Variants in GNB5 observed in about 807,000 individuals in gnomAD.
GNB5 encodes guanine nucleotide-binding protein subunit beta-5.
In GNB5, 37 loss-of-function variants were observed where a neutral mutation model predicts 55.3. That is an observed-to-expected ratio of 0.67 (90% CI 0.51 to 0.88). The LOEUF is 0.88. GNB5 is among the 40% of genes least tolerant of loss of function. GNB5 has a pLI of 0.00. For missense variants in GNB5, 476 were observed against 515.3 expected (o/e 0.92, Z 0.74); for synonymous variants, 219 against 198.5 (o/e 1.10, Z -0.87).
At chr15:52,168,036 C>T (rs1215078020) in intron 3 of GNB5, among the ~76,000 whole-genome samples, 1 of 152,164 alleles carries the variant, frequency 6.6e-6, no homozygotes, top group Non-Finnish European at 1.5e-5. Flanking sequence ...GACAAACCTA[C>T]ACCGAATATC....
intron 1 of GNB5, among the ~76,000 whole-genome samples, chr15:52,190,223 T>G (rs1359410436): frequency 6.6e-6 from 1 of 151,774 alleles, no homozygotes; most frequent in African/African-American, 2.4e-5. Context: ...GTTCATGCCA[T>G]TCTCCTGCCT....
rs2033265048 is a variant in GNB5, at chr15:52,121,479, TGA to T, written c.*1276_*1277del. 6.6e-6 allele frequency: 1 copy of T among 151,492 alleles called. No homozygotes were observed. The highest frequency in any genetic ancestry group is 2.1e-4 in the South Asian group (1 of 4,796). The allele number at this position is 151,492 out of a possible 1,614,324, so 9.4% of individuals were successfully genotyped here. The stretch of plus-strand genomic sequence containing the variant: ...CACTTCCTTCTTCTAGAAGGAATTC[TGA>T]GTCTCAAATAAAGAGAAGATCTTCT... On this transcript the variant is annotated 3_prime_UTR_variant, in exon 13 of 13. Transcript: ENST00000261837.
intron 3 of GNB5, among the ~76,000 whole-genome samples, chr15:52,161,006 C>T (rs1456866773): frequency 1.3e-5 from 2 of 152,132 alleles, no homozygotes; most frequent in Non-Finnish European, 2.9e-5. Flanking sequence ...ATGTATGTTA[C>T]CAATATCCAC....
At chr15:52,137,510 A>C in intron 7 of GNB5, 1 of 1,016,364 alleles carries the variant, frequency 9.8e-7, no homozygotes, top group Non-Finnish European at 1.2e-6. Context: ...GAGAATGAGA[A>C]AAGCAAACGT....
chr15:52,167,973 G>A lies in GNB5; in HGVS notation c.238+11795C>T, dbSNP rs192122095. On this transcript the variant is annotated intron_variant, in intron 3 of 12. Transcript: ENST00000261837. ...CAACATCCCTTCATGTTAAAAACTC[G>A]CAATAAACAAGGTATTGAAGGAACA... 2.6e-3 allele frequency among the ~76,000 whole-genome samples: 390 copies of A among 152,144 alleles called. 1 individual carries two copies. The highest frequency in any genetic ancestry group is 0.02 in the Middle Eastern group (6 of 294).
rs566641285 is a variant in GNB5 at position 52,132,613 on chromosome 15, C to G, written c.863+765G>C. Among the ~76,000 whole-genome samples the G allele has an allele frequency of 1.6e-4, 24 of 150,390 alleles. 1 individual carries two copies. In the South Asian group the frequency reaches 5.1e-3, roughly 32 times the overall value. On this transcript the variant is annotated intron_variant, in intron 9 of 12. Coordinates refer to ENST00000261837, the MANE Select transcript of GNB5 (RefSeq NM_016194.4). ...ATCGATCCTCCCACTTCAGCCTCCT[C>G]CACACATCACCATGCCCTGCTAATT...
At chr15:52,176,053 A>C (rs149607597) in intron 3 of GNB5, among the ~76,000 whole-genome samples, 3,126 of 150,818 alleles carry the variant, frequency 0.021, 46 homozygotes, top group Non-Finnish European at 0.028. Flanking sequence ...CATCTCAAAA[A>C]AAAACAAAAC....
intron 9 of GNB5, 127 bp from the exon 10 acceptor site, chr15:52,128,371 C>A: frequency 1.5e-6 from 1 of 685,800 alleles, no homozygotes. Context: ...CAGCAGAAGA[C>A]GGAAGAGGAA....
At chr15:52,190,324 A>G (rs2034902556) in intron 1 of GNB5, among the ~76,000 whole-genome samples, 1 of 151,866 alleles carries the variant, frequency 6.6e-6, no homozygotes, top group African/African-American at 2.4e-5. Context: ...TCACCGTGTT[A>G]ACCAGGATGC....
intron 3 of GNB5, among the ~76,000 whole-genome samples, chr15:52,167,899 AACC>A (rs1210057891): frequency 6.6e-6 from 1 of 152,180 alleles, no homozygotes; most frequent in East Asian, 1.9e-4. Flanking sequence ...TAAAGAAAAA[AACC>A]ACATGATTAC....
rs886751145 is a variant in GNB5, at chr15:52,117,867, C to G, written c.*4890G>C. 2.6e-5 allele frequency: 4 copies of G among 152,414 alleles called. No individual in the cohort carries two copies. The highest frequency in any genetic ancestry group is 5.9e-5 in the Non-Finnish European group (4 of 68,160). 9.4% of individuals were successfully genotyped at this position (152,414 alleles called of 1,614,324 possible). On this transcript the variant is annotated 3_prime_UTR_variant, in exon 13 of 13. Transcript: ENST00000261837. ...GGGCCCTGAAGGCGCAGTGCAGGAA[C>G]CTGCCATGGGTGGGACGATTCTTCT...
chr15:52,126,272 C>T (rs573368969), intron 10 of GNB5, among the ~76,000 whole-genome samples: 6 of 152,142 alleles, frequency 3.9e-5, no homozygotes, highest in East Asian at 1.9e-4. Context: ...AGTAAAGAAA[C>T]GGCAAATACA....
intron 3 of GNB5, among the ~76,000 whole-genome samples, chr15:52,155,290 A>C (rs780774121): frequency 3.3e-5 from 5 of 152,192 alleles, no homozygotes; most frequent in Non-Finnish European, 7.3e-5. Flanking sequence ...ATGTCTTCCC[A>C]GGGAGCTGCT....
intron 3 of GNB5, among the ~76,000 whole-genome samples, chr15:52,165,426 T>A (rs2034430932): frequency 6.6e-6 from 1 of 151,650 alleles, no homozygotes; most frequent in Admixed American, 6.6e-5. Context: ...TCTCCAAGAC[T>A]GAAATGAAAG....
chr15:52,155,566 A>T (rs370404192), intron 3 of GNB5, among the ~76,000 whole-genome samples: 1 of 152,376 alleles, frequency 6.6e-6, no homozygotes, highest in South Asian at 2.1e-4. Context: ...TATTGTCCAA[A>T]TAATAACCTT....
At chr15:52,189,234 T>C (rs1035692683) in intron 1 of GNB5, among the ~76,000 whole-genome samples, 5 of 152,230 alleles carry the variant, frequency 3.3e-5, no homozygotes, top group African/African-American at 1.2e-4. Context: ...TATTCAAAAC[T>C]TAAATATACA....
chr15:52,168,214 T>C (rs1451412306), intron 3 of GNB5, among the ~76,000 whole-genome samples: 1 of 152,122 alleles, frequency 6.6e-6, no homozygotes, highest in East Asian at 1.9e-4. Context: ...CAAATTATCT[T>C]TGTTTGCAGA....
intron 5 of GNB5, among the ~76,000 whole-genome samples, chr15:52,148,850 C>A (rs752945023): frequency 2.1e-4 from 32 of 152,224 alleles, no homozygotes; most frequent in Admixed American, 5.2e-4. Flanking sequence ...CAGGGTATCC[C>A]AGGCCCCTTT....
At chr15:52,128,337 T>G in intron 9 of GNB5, 93 bp from the exon 10 acceptor site, 1 of 812,154 alleles carries the variant, frequency 1.2e-6, no homozygotes, top group Non-Finnish European at 2.2e-6. Flanking sequence ...GAATCTCTAT[T>G]TCTAGGGACT....
Sources: gnomAD v4.1 joint callset for allele counts (sites outside exome capture counted in the v4.1 genomes callset) on GRCh38, gnomAD v4.1.1 for gene constraint, MANE v1.5 for transcripts, NCBI Gene and HGNC (gene_info 2026-07-23, HGNC 2026-07-21) for gene names.